PGD: variants seen among roughly 807,000 people sequenced by gnomAD.
PGD encodes phosphogluconate dehydrogenase, also known as 6-phosphogluconate dehydrogenase, decarboxylating.
A neutral mutation model predicts 60.4 loss-of-function variants in PGD; 21 were observed. That is an observed-to-expected ratio of 0.35 (90% confidence interval 0.25 to 0.50). PGD has a LOEUF of 0.50. PGD is among the 20% of genes least tolerant of loss of function. The pLI is 0.98. For synonymous variants in PGD, 230 were observed against 235.9 expected, an observed-to-expected ratio of 0.97 and a Z score of 0.23; for missense variants, 477 against 613.1, an observed-to-expected ratio of 0.78 and a Z score of 2.34.
chr1:10,419,363 A>G (rs935148866), intron 11 of PGD, 54 bp from the exon 12 acceptor site: 20 of 1,576,824 alleles, frequency 1.3e-5, no homozygotes, highest in Admixed American at 1.8e-5. Flanking sequence ...ATGAAAATCT[A>G]TCCGCGTCAC....
chr1:10,400,283 G>T, intron 2 of PGD, 110 bp from the exon 3 acceptor site: 1 of 783,234 alleles, frequency 1.3e-6, no homozygotes. Flanking sequence ...GCAAAGGCAG[G>T]TCTGACCTCC....
intron 9 of PGD, 73 bp downstream of exon 9, chr1:10,417,190 G>C (rs1182487747): frequency 7.7e-6 from 12 of 1,553,900 alleles, no homozygotes; most frequent in Non-Finnish European, 1.1e-5. Context: ...TGTGGTGGGA[G>C]AACACTCGAG....
intron 5 of PGD, among the ~76,000 whole-genome samples, chr1:10,406,657 G>A (rs544235467): frequency 2.0e-4 from 30 of 152,282 alleles, no homozygotes; most frequent in African/African-American, 6.7e-4. Context: ...AACCCTGTAA[G>A]ATTTCATGTC....
rs1159206042 is a variant in PGD, at chr1:10,417,078, T to G, written c.936T>G (p.Phe312Leu). 1 of 1,613,988 alleles carries G rather than the reference T, an allele frequency of 6.2e-7. No individual in the cohort carries two copies. The highest frequency in any genetic ancestry group is 8.5e-7 in the Non-Finnish European group (1 of 1,179,910). ...TGAAGGGTCCCCAGAAGTTCCAGTT[T>G]GATGGTGATAAGAAATCATTCCTGG... is the stretch of plus-strand genomic sequence containing the variant. ...KKLKGPQKFQ[F>L]DGDKKSFLED... The change falls in exon 9 of 13, where the codon TTT becomes TTG. Residue 312 changes from phenylalanine (F) to leucine (L), a missense_variant. By Grantham distance (22) the Phe-to-Leu change is conservative. This residue lies in a region of PGD where 431 missense variants were observed against 556.6 expected (regional missense o/e 0.77). Coordinates refer to ENST00000270776, the MANE Select transcript of PGD (RefSeq NM_002631.4).
intron 5 of PGD, among the ~76,000 whole-genome samples, chr1:10,406,233 A>G (rs1245095868): frequency 6.6e-6 from 1 of 152,120 alleles, no homozygotes; most frequent in Non-Finnish European, 1.5e-5. Flanking sequence ...ACACAGAAGT[A>G]GAGAGGCCTT....
chr1:10,412,001 A>G, intron 7 of PGD, among the ~76,000 whole-genome samples: 1 of 152,194 alleles, frequency 6.6e-6, no homozygotes, highest in East Asian at 1.9e-4. Flanking sequence ...GAAGTTTGAG[A>G]GTTTTACAGT....
chr1:10,405,496 T>C (rs528563896), intron 5 of PGD, among the ~76,000 whole-genome samples: 1 of 149,546 alleles, frequency 6.7e-6, no homozygotes, highest in South Asian at 2.2e-4. Context: ...TGCCCTGGCC[T>C]CCCAAAGTAC....
In PGD at chr1:10,419,844, TCA is replaced by T; in HGVS notation, c.*96_*97del. On this transcript the variant is annotated 3_prime_UTR_variant, in exon 13 of 13. Transcript: ENST00000270776. ...CCTGGCCCTTTGCCCTATTTTCTGT[TCA>T]GTTTTTTAAAAGTGTTGTAAGAGAC... is the stretch of plus-strand genomic sequence containing the variant. 1 of 1,463,958 alleles carries T rather than the reference TCA, an allele frequency of 6.8e-7. No homozygotes were observed. Among genetic ancestry groups the T allele is most frequent in the Middle Eastern group, 1.9e-4 (1 of 5,280 alleles). The allele number at this position is 1,463,958 out of a possible 1,614,324, so 90.7% of individuals were successfully genotyped here.
At chr1:10,411,606 C>T in intron 7 of PGD, 54 bp downstream of exon 7, 1 of 1,604,816 alleles carries the variant, frequency 6.2e-7, no homozygotes, top group Non-Finnish European at 8.5e-7. Flanking sequence ...CTCACTTTGC[C>T]ACAGACACCG....
intron 5 of PGD, among the ~76,000 whole-genome samples, chr1:10,407,107 T>G (rs1289411582): frequency 6.7e-6 from 1 of 150,256 alleles, no homozygotes; most frequent in East Asian, 2.0e-4. Context: ...ATCCGAGGAG[T>G]TCAAGACCAG....
intron 1 of PGD, 60 bp from the exon 2 acceptor site, chr1:10,399,569 T>A: frequency 6.8e-7 from 1 of 1,463,720 alleles, no homozygotes; most frequent in Non-Finnish European, 9.5e-7. Context: ...ACCGGACCCC[T>A]GGGTTGCAGC....
rs1228785275 is a variant in PGD at position 10,419,700 on chromosome 1, A to G, written c.1403A>G (p.Asn468Ser). Residue 468 changes from asparagine (N) to serine (S), a missense_variant, in exon 13 of 13, where the codon AAC (asparagine) becomes AGC (serine). By Grantham distance (46) the Asn-to-Ser change is conservative. Transcript: ENST00000270776. ...AAACCAGGGCAGTTTATCCACACCA[A>G]CTGGACAGGCCATGGTGGCACCGTG... ...LAKPGQFIHTNWTGHGGTVSS... is the reference protein window; with the variant it reads ...LAKPGQFIHTSWTGHGGTVSS... The G allele has an allele frequency of 1.2e-6, 2 of 1,614,130 alleles. No homozygotes were observed. Among genetic ancestry groups the G allele is most frequent in the East Asian group, 2.2e-5 (1 of 44,884 alleles).
Position 10,419,706 on chromosome 1 carries a change from C to G in PGD, c.1409C>G (p.Thr470Arg). 1 of 1,614,222 alleles carries G rather than the reference C, an allele frequency of 6.2e-7. No individual in the cohort carries two copies. The highest frequency in any genetic ancestry group is 2.2e-5 in the East Asian group (1 of 44,884). The change falls in exon 13 of 13, where the codon ACA (threonine) becomes AGA (arginine). Residue 470 changes from threonine to arginine, a missense_variant. This residue lies in a region of PGD where 44 missense variants were observed against 40.3 expected (regional missense o/e 1.09). Coordinates refer to ENST00000270776, the MANE Select transcript of PGD (RefSeq NM_002631.4). ...KPGQFIHTNW[T>R]GHGGTVSSSS... is the part of the protein sequence containing the mutation. Reference sequence around the variant, plus strand: ...GGGCAGTTTATCCACACCAACTGGACAGGCCATGGTGGCACCGTGTCATCC... The same window carrying G: ...GGGCAGTTTATCCACACCAACTGGAGAGGCCATGGTGGCACCGTGTCATCC...
Position 10,403,091 on chromosome 1 carries a change from T to C in PGD, c.285T>C (p.Gly95=), listed in dbSNP as rs771378509. ...TACAGGTACCATTGTTGGATACTGG[T>C]GACATCATCATTGACGGAGGAAATT... ...IEKLVPLLDT[G]DIIIDGGNSE... is the part of the protein sequence containing the mutation. Residue 95 remains glycine (G), a synonymous_variant, in exon 4 of 13, where the codon GGT becomes GGC. Coordinates refer to ENST00000270776, the MANE Select transcript of PGD (RefSeq NM_002631.4). 1 of 1,610,446 alleles carries C rather than the reference T, an allele frequency of 6.2e-7. No individual in the cohort carries two copies. Among genetic ancestry groups the C allele is most frequent in the South Asian group, 1.1e-5 (1 of 91,028 alleles).
At chr1:10,415,550 T>G (rs1052840230) in intron 8 of PGD, among the ~76,000 whole-genome samples, 5 of 152,198 alleles carry the variant, frequency 3.3e-5, no homozygotes, top group Admixed American at 3.3e-4. Context: ...AGGAAGGGTT[T>G]GCCTCATAGC....
At chr1:10,403,590 GAA>G (rs71583866) in intron 4 of PGD, among the ~76,000 whole-genome samples, 16 of 67,142 alleles carry the variant, frequency 2.4e-4, no homozygotes, top group African/African-American at 6.5e-4. Context: ...AACTCCATCT[GAA>G]AAAAAAAAAA....
intron 8 of PGD, among the ~76,000 whole-genome samples, chr1:10,414,693 TA>T (rs1639564893): frequency 6.6e-6 from 1 of 151,290 alleles, no homozygotes. Flanking sequence ...GTTCTAAGAG[TA>T]AAATACATAG....
chr1:10,404,233 G>T lies in PGD; in HGVS notation c.403G>T (p.Ala135Ser). 6.2e-7 allele frequency: 1 copy of T among 1,613,904 alleles called. No individual in the cohort carries two copies. Among genetic ancestry groups the T allele is most frequent in the Non-Finnish European group, 8.5e-7 (1 of 1,179,866 alleles). The change falls in exon 5 of 13, where the codon GCC (alanine) becomes TCC (serine). Residue 135 changes from alanine to serine, a missense_variant. This residue lies in a region of PGD where 431 missense variants were observed against 556.6 expected (regional missense o/e 0.77). Transcript: ENST00000270776. ...CGGAGTCAGTGGTGGAGAGGAAGGG[G>T]CCCGGTATGGCCCATCGCTCATGCC... ...GSGVSGGEEG[A>S]RYGPSLMPGG...
Position 10,399,673 on chromosome 1 carries a change from T to G in PGD, c.53T>G (p.Leu18Ter), listed in dbSNP as rs1193799934. The change falls in exon 2 of 13, where the codon TTA (leucine) becomes TGA (stop). Residue 18 changes from leucine to a stop codon, truncating the protein, a stop_gained. Transcript: ENST00000270776. LOFTEE classifies it high-confidence loss of function. ...LIGLAVMGQN[L>*]ILNMNDHGFV... ...GGATTGGCCGTCATGGGCCAGAACTTAATTCTGAACATGAATGACCACGGC... is the reference window on the plus strand; with the variant it reads ...GGATTGGCCGTCATGGGCCAGAACTGAATTCTGAACATGAATGACCACGGC... The G allele has an allele frequency of 1.2e-6, 2 of 1,614,140 alleles. No homozygotes were observed. Among genetic ancestry groups the G allele is most frequent in the Non-Finnish European group, 1.7e-6 (2 of 1,179,996 alleles).
Sources: allele counts gnomAD v4.1 joint callset (sites outside exome capture counted in the v4.1 genomes callset), GRCh38; gene constraint gnomAD v4.1.1; regional missense constraint gnomAD v4.1.1; transcripts MANE v1.5; gene names NCBI Gene and HGNC (gene_info 2026-07-23, HGNC 2026-07-21).